VWA8: variants seen among roughly 807,000 people sequenced by gnomAD.
VWA8 encodes von Willebrand factor A domain-containing protein 8.
VWA8 carries 221 observed loss-of-function variants against 241.5 expected under a neutral mutation model. The observed-to-expected ratio is 0.91, with a 90% confidence interval of 0.82 to 1.02. VWA8 has a LOEUF of 1.02. Ranked by LOEUF, VWA8 falls within the 50% of genes least tolerant of loss-of-function variation. The pLI, the probability that VWA8 is intolerant of heterozygous loss-of-function variation, is 0.00. For synonymous variants in VWA8, 852 were observed against 827.1 expected (o/e 1.03, Z -0.52); for missense variants, 2,322 against 2,328.7 (o/e 1.00, Z 0.06).
chr13:41,896,033 G>C (rs1875090989), intron 4 of VWA8, among the ~76,000 whole-genome samples: 1 of 151,842 alleles, frequency 6.6e-6, no homozygotes. Flanking sequence ...AATTAGGAGT[G>C]AGTTTAATTT....
At chr13:41,677,569 A>G (rs2045068871) in intron 35 of VWA8, among the ~76,000 whole-genome samples, 1 of 152,106 alleles carries the variant, frequency 6.6e-6, no homozygotes, top group African/African-American at 2.4e-5. Context: ...ACTAAAATCT[A>G]TGCTCTGGCC....
rs574509951 is a variant in VWA8, at chr13:41,814,139, A to C, written c.1947+2559T>G. ...TCTGTTAATAAAATTTTAATTAATC[A>C]ATTTATTCATTAATTCACCAAAGAT... is the stretch of plus-strand genomic sequence containing the variant. On this transcript the variant is annotated intron_variant, in intron 16 of 44. Coordinates refer to ENST00000379310, the MANE Select transcript of VWA8 (RefSeq NM_015058.2). Among the ~76,000 whole-genome samples, 5 of 152,318 alleles carry C rather than the reference A, an allele frequency of 3.3e-5. No individual in the cohort carries two copies. In the East Asian group the frequency reaches 9.6e-4, roughly 29 times the overall value.
rs778231342 is a variant in VWA8, at chr13:41,907,569, AGT to A, written c.483+15_483+16del. ...CCTGGAGTACACAGTCATGGGCTAG[AGT>A]GTGACAGAACTTGCCTGATCAATGT... On this transcript the variant is annotated intron_variant, in intron 4 of 44. Coordinates refer to ENST00000379310, the MANE Select transcript of VWA8 (RefSeq NM_015058.2). 25 of 1,608,456 alleles carry A rather than the reference AGT, an allele frequency of 1.6e-5. No homozygotes were observed. Among genetic ancestry groups the A allele is most frequent in the Non-Finnish European group, 2.0e-5 (24 of 1,175,004 alleles).
chr13:41,828,210 C>G (rs1258827452), intron 14 of VWA8, among the ~76,000 whole-genome samples: 1 of 152,122 alleles, frequency 6.6e-6, no homozygotes, highest in African/African-American at 2.4e-5. Flanking sequence ...AACATTTCCC[C>G]TCTTGGAAAA....
At chr13:41,577,544 G>A (rs2044357662) in intron 42 of VWA8, among the ~76,000 whole-genome samples, 1 of 152,198 alleles carries the variant, frequency 6.6e-6, no homozygotes, top group Non-Finnish European at 1.5e-5. Context: ...CACAGATGTG[G>A]AGAGAGCTTG....
chr13:41,832,876 T>G lies in VWA8; in HGVS notation c.1586+495A>C, dbSNP rs185054325. 3.7e-3 allele frequency among the ~76,000 whole-genome samples: 567 copies of G among 152,168 alleles called. 5 individuals are homozygous for G. Among genetic ancestry groups the G allele is most frequent in the South Asian group, 0.02 (98 of 4,820 alleles). ...AAGTTTATAATTAACAAAGTGAGCT[T>G]TTTTAGTCTATATAAAATATAATTT... On this transcript the variant is annotated intron_variant, in intron 13 of 44. Coordinates refer to ENST00000379310, the MANE Select transcript of VWA8 (RefSeq NM_015058.2).
intron 41 of VWA8, among the ~76,000 whole-genome samples, chr13:41,589,110 A>AC (rs2044438253): frequency 6.6e-6 from 1 of 151,888 alleles, no homozygotes; most frequent in Non-Finnish European, 1.5e-5. Flanking sequence ...CAGTCACTGC[A>AC]CCCCCAGCTC....
At chr13:41,752,866 G>C (rs2045666606) in intron 21 of VWA8, among the ~76,000 whole-genome samples, 1 of 152,124 alleles carries the variant, frequency 6.6e-6, no homozygotes, top group African/African-American at 2.4e-5. Context: ...TCAGGGCTCA[G>C]AAAGGTTAGT....
intron 40 of VWA8, among the ~76,000 whole-genome samples, chr13:41,602,505 T>C (rs1593643420): frequency 6.6e-6 from 1 of 152,138 alleles, no homozygotes; most frequent in East Asian, 1.9e-4. Flanking sequence ...TGACACAATG[T>C]ATGTTTCCTC....
At chr13:41,725,593 A>G (rs2045426545) in intron 24 of VWA8, among the ~76,000 whole-genome samples, 1 of 152,184 alleles carries the variant, frequency 6.6e-6, no homozygotes, top group Non-Finnish European at 1.5e-5. Context: ...AAAGGGCTAA[A>G]GATCAATAAG....
At chr13:41,734,145 T>C (rs1270504407) in intron 21 of VWA8, among the ~76,000 whole-genome samples, 1 of 152,036 alleles carries the variant, frequency 6.6e-6, no homozygotes, top group Non-Finnish European at 1.5e-5. Flanking sequence ...CGAGACCAGC[T>C]TGACCAACGT....
At chr13:41,573,124 AAAAG>A (rs1566372014) in intron 43 of VWA8, among the ~76,000 whole-genome samples, 1 of 149,840 alleles carries the variant, frequency 6.7e-6, no homozygotes, top group East Asian at 2.0e-4. Flanking sequence ...AAAAAAAAAA[AAAAG>A]AAACAAGCCA....
intron 37 of VWA8, among the ~76,000 whole-genome samples, chr13:41,650,343 A>G (rs1321538148): frequency 6.6e-6 from 1 of 152,194 alleles, no homozygotes; most frequent in Non-Finnish European, 1.5e-5. Flanking sequence ...AGATCACTGG[A>G]TAGAACTTGG....
At chr13:41,911,270 G>C (rs1159479030) in intron 3 of VWA8, among the ~76,000 whole-genome samples, 1 of 151,964 alleles carries the variant, frequency 6.6e-6, no homozygotes, top group Admixed American at 6.6e-5. Context: ...CACCATGTTG[G>C]CCAGGCTGGT....
intron 34 of VWA8, among the ~76,000 whole-genome samples, chr13:41,686,708 C>T (rs771633321): frequency 4.6e-5 from 7 of 152,112 alleles, no homozygotes; most frequent in Non-Finnish European, 1.0e-4. Context: ...TGTTACCCTT[C>T]ATATATTTAC....
intron 17 of VWA8, among the ~76,000 whole-genome samples, chr13:41,807,117 A>G (rs1870247866): frequency 1.3e-5 from 2 of 152,164 alleles, no homozygotes; most frequent in Admixed American, 1.3e-4. Context: ...TTAAACACAC[A>G]CAACCTCTCA....
chr13:41,863,455 T>TATATATATATATATTCA (rs1566485517), intron 12 of VWA8, among the ~76,000 whole-genome samples: 3 of 87,146 alleles, frequency 3.4e-5, no homozygotes, highest in African/African-American at 8.5e-5. Flanking sequence ...ATATATATAT[T>TATATATATATATATTCA]CACACACACA....
At chr13:41,588,240 C>A (rs974826330) in intron 41 of VWA8, among the ~76,000 whole-genome samples, 20 of 152,228 alleles carry the variant, frequency 1.3e-4, no homozygotes, top group Non-Finnish European at 2.2e-4. Context: ...CTAAGCTGCA[C>A]ATCTTCTCTT....
At chr13:41,780,123 G>A (rs771903752) in intron 19 of VWA8, among the ~76,000 whole-genome samples, 1 of 152,166 alleles carries the variant, frequency 6.6e-6, no homozygotes, top group African/African-American at 2.4e-5. Context: ...GTATGGGGCA[G>A]GTTGTGACTA....
Sources: allele counts gnomAD v4.1 joint callset (sites outside exome capture counted in the v4.1 genomes callset), GRCh38; gene constraint gnomAD v4.1.1; transcripts MANE v1.5; gene names NCBI Gene and HGNC (gene_info 2026-07-23, HGNC 2026-07-21).